The following COL21A1 variants were observed in gnomAD, a reference collection of about 807,000 sequenced individuals.
COL21A1 encodes the protein collagen alpha-1(XXI) chain.
COL21A1 carries 149 observed loss-of-function variants against 137.9 expected under a neutral mutation model. The observed-to-expected ratio is 1.08, with a 90% confidence interval of 0.95 to 1.24. The LOEUF is 1.24. Ranked by LOEUF, COL21A1 falls within the 50% of genes most tolerant of loss-of-function variation. COL21A1 has a pLI of 0.00. For synonymous variants in COL21A1, 456 were observed against 391.5 expected (o/e 1.16, Z -1.95); for missense variants, 1,167 against 1,158.4 (o/e 1.01, Z -0.11).
chr6:56,285,190 T>C (rs990182883), intron 1 of COL21A1, among the ~76,000 whole-genome samples: 3 of 152,224 alleles, frequency 2.0e-5, no homozygotes, highest in African/African-American at 4.8e-5. Flanking sequence ...ATATCTGAGC[T>C]CCTTCTTCTT....
intron 1 of COL21A1, among the ~76,000 whole-genome samples, chr6:56,314,237 C>T (rs1373802852): frequency 6.6e-6 from 1 of 152,146 alleles, no homozygotes; most frequent in African/African-American, 2.4e-5. Context: ...CCCACCTTGG[C>T]CTCCCAAAGT....
intron 1 of COL21A1, among the ~76,000 whole-genome samples, chr6:56,203,468 T>A (rs879131255): frequency 6.6e-6 from 1 of 152,202 alleles, no homozygotes. Context: ...TTTCTAAATA[T>A]CATTTTCCAT....
At chr6:56,063,560 C>T (rs1341527962) in intron 24 of COL21A1, among the ~76,000 whole-genome samples, 1 of 152,014 alleles carries the variant, frequency 6.6e-6, no homozygotes, top group Non-Finnish European at 1.5e-5. Context: ...TCAGGCAATT[C>T]CAATCATTCC....
intron 1 of COL21A1, among the ~76,000 whole-genome samples, chr6:56,278,099 A>G (rs1189768137): frequency 1.3e-5 from 2 of 152,162 alleles, no homozygotes; most frequent in Non-Finnish European, 1.5e-5. Context: ...CTTAGATTGG[A>G]ATTGTTTCTG....
At chr6:56,151,472 A>G (rs1168801195) in intron 10 of COL21A1, among the ~76,000 whole-genome samples, 1 of 152,230 alleles carries the variant, frequency 6.6e-6, no homozygotes, top group Non-Finnish European at 1.5e-5. Flanking sequence ...TAAAGCAATA[A>G]TATATTCAGA....
intron 10 of COL21A1, among the ~76,000 whole-genome samples, chr6:56,142,615 T>A (rs1404047798): frequency 1.3e-5 from 2 of 152,120 alleles, no homozygotes; most frequent in Non-Finnish European, 2.9e-5. Context: ...ATAGCACAAT[T>A]TTTTTAGACA....
At chr6:56,276,390 A>G (rs1259304278) in intron 1 of COL21A1, 1 of 548,286 alleles carries the variant, frequency 1.8e-6, no homozygotes, top group African/African-American at 1.9e-5. Context: ...AAAAGTTGAA[A>G]TAATTTTTAA....
At chr6:56,058,102 AACATTTAGCT>A (rs11277077) in intron 29 of COL21A1, among the ~76,000 whole-genome samples, 85,832 of 151,432 alleles carry the variant, frequency 0.57, 24,669 homozygotes, top group East Asian at 0.83. Flanking sequence ...TACTGATTAA[AACATTTAGCT>A]AACATTATAA....
intron 1 of COL21A1, among the ~76,000 whole-genome samples, chr6:56,199,481 A>C (rs982589722): frequency 3.0e-4 from 45 of 152,266 alleles, no homozygotes; most frequent in African/African-American, 1.1e-3. Context: ...AACTAACTAT[A>C]ACTTAAAGAA....
chr6:56,303,134 C>T (rs9475658), intron 1 of COL21A1, among the ~76,000 whole-genome samples: 7,044 of 150,514 alleles, frequency 0.047, 181 homozygotes, highest in Non-Finnish European at 0.058. Flanking sequence ...TTACTGTAGC[C>T]TTGTAGTATA....
intron 10 of COL21A1, among the ~76,000 whole-genome samples, chr6:56,146,753 T>C (rs1774869642): frequency 1.3e-5 from 2 of 152,184 alleles, no homozygotes; most frequent in East Asian, 3.9e-4. Context: ...GAAAAACATA[T>C]TGGAATGGTA....
At chr6:56,354,062 T>C (rs1765777483) in intron 1 of COL21A1, among the ~76,000 whole-genome samples, 2 of 152,206 alleles carry the variant, frequency 1.3e-5, no homozygotes, top group Admixed American at 6.5e-5. Flanking sequence ...GAGAATGAAC[T>C]ATTGCTACAC....
intron 1 of COL21A1, among the ~76,000 whole-genome samples, chr6:56,280,984 G>T (rs1011180548): frequency 3.3e-5 from 5 of 152,050 alleles, no homozygotes; most frequent in Admixed American, 6.6e-5. Flanking sequence ...CAGCCTGGGC[G>T]ACAGACAGAG....
chr6:56,150,489 G>T (rs1329866580), intron 10 of COL21A1, among the ~76,000 whole-genome samples: 1 of 150,708 alleles, frequency 6.6e-6, no homozygotes, highest in Non-Finnish European at 1.5e-5. Context: ...CTGCGCTCCA[G>T]CCTGGGCGAC....
rs35241904 is a variant in COL21A1 at position 56,170,856 on chromosome 6, G to A, written c.819C>T (p.Phe273=). Residue 273 remains phenylalanine, a synonymous_variant, in exon 5 of 30, where the codon TTC becomes TTT. Coordinates refer to ENST00000244728, the MANE Select transcript of COL21A1 (RefSeq NM_030820.4). ...VDLSELTSNV[F]PEGLPPSYVF... ...CATATGATGGAGGAAGACCTTCTGG[G>A]AAAACATTGCTAGAAAAAGAAGAGC... The A allele has an allele frequency of 1.6e-3, 2,522 of 1,608,860 alleles. 35 individuals are homozygous for A. The African/African-American group carries it at 0.031, about 20-fold the overall frequency.
intron 17 of COL21A1, among the ~76,000 whole-genome samples, chr6:56,086,385 G>A (rs982579887): frequency 6.6e-6 from 1 of 152,044 alleles, no homozygotes; most frequent in South Asian, 2.1e-4. Flanking sequence ...CCTAGTTTTG[G>A]CTGAAAGCAT....
At chr6:56,210,749 A>G (rs1780104507) in intron 1 of COL21A1, among the ~76,000 whole-genome samples, 1 of 152,170 alleles carries the variant, frequency 6.6e-6, no homozygotes, top group African/African-American at 2.4e-5. Context: ...TACCTAAATA[A>G]AAGAAATTCA....
At chr6:56,338,696 G>A in intron 1 of COL21A1, among the ~76,000 whole-genome samples, 1 of 152,192 alleles carries the variant, frequency 6.6e-6, no homozygotes, top group East Asian at 1.9e-4. Flanking sequence ...CTCCATCTTA[G>A]GGGCTTCTCT....
chr6:56,339,492 C>A (rs554601460), intron 1 of COL21A1, among the ~76,000 whole-genome samples: 3 of 152,094 alleles, frequency 2.0e-5, no homozygotes, highest in Non-Finnish European at 4.4e-5. Flanking sequence ...GTCTTAAAAA[C>A]AAAAGAGTTT....
Sources: allele counts gnomAD v4.1 joint callset (sites outside exome capture counted in the v4.1 genomes callset), GRCh38; gene constraint gnomAD v4.1.1; transcripts MANE v1.5; gene names NCBI Gene and HGNC (gene_info 2026-07-23, HGNC 2026-07-21).